The following ASPH variants were observed in gnomAD, a reference collection of about 807,000 sequenced individuals.
The protein encoded by ASPH is aspartate beta-hydroxylase.
ASPH carries 100 observed loss-of-function variants against 118.4 expected under a neutral mutation model. The ratio of observed to expected loss-of-function variants is 0.84; its 90% CI spans 0.72 to 1.00. The LOEUF (loss-of-function observed/expected upper bound fraction) is 1.00. Among genes scored for constraint, ASPH ranks in the 50% least tolerant of loss-of-function variants. The pLI is 0.00. For synonymous variants in ASPH, 315 were observed against 325.6 expected (o/e 0.97, Z 0.35); for missense variants, 920 against 919.5 (o/e 1.00, Z -0.01).
At chr8:61,667,669 A>C (rs1246913088) in intron 3 of ASPH, among the ~76,000 whole-genome samples, 1 of 152,178 alleles carries the variant, frequency 6.6e-6, no homozygotes, top group Non-Finnish European at 1.5e-5. Flanking sequence ...CCGGACAATA[A>C]TTTTTAATGA....
intron 21 of ASPH, among the ~76,000 whole-genome samples, chr8:61,528,171 G>A (rs1816197841): frequency 6.6e-6 from 1 of 152,124 alleles, no homozygotes; most frequent in African/African-American, 2.4e-5. Flanking sequence ...TTCATCCCAA[G>A]TGGGCAGTTC....
chr8:61,579,264 G>A (rs1336679799), intron 15 of ASPH: 1 of 1,613,998 alleles, frequency 6.2e-7, no homozygotes, highest in Non-Finnish European at 8.5e-7. Context: ...CATTAAGGAT[G>A]CCAACGCCAA....
intron 14 of ASPH, among the ~76,000 whole-genome samples, chr8:61,594,547 C>T (rs762922487): frequency 5.3e-5 from 8 of 152,186 alleles, no homozygotes; most frequent in African/African-American, 7.2e-5. Context: ...CTTTTATCCA[C>T]GGTTTTGCTT....
intron 16 of ASPH, among the ~76,000 whole-genome samples, chr8:61,569,600 T>A (rs1437062367): frequency 6.6e-6 from 1 of 151,552 alleles, no homozygotes; most frequent in East Asian, 1.9e-4. Context: ...AAATAAGACA[T>A]CAATGAAATA....
At chr8:61,525,719 CA>C (rs1186645224) in intron 22 of ASPH, among the ~76,000 whole-genome samples, 3 of 152,088 alleles carry the variant, frequency 2.0e-5, no homozygotes, top group Non-Finnish European at 4.4e-5. Flanking sequence ...CCAGAAAAAT[CA>C]GAACACTATT....
intron 21 of ASPH, among the ~76,000 whole-genome samples, chr8:61,534,750 G>C: frequency 6.6e-6 from 1 of 152,200 alleles, no homozygotes; most frequent in Non-Finnish European, 1.5e-5. Flanking sequence ...GGACCATTCC[G>C]AGAAAAGTTT....
chr8:61,531,533 T>A (rs200406754), intron 21 of ASPH, among the ~76,000 whole-genome samples: 1 of 152,150 alleles, frequency 6.6e-6, no homozygotes, highest in East Asian at 1.9e-4. Context: ...TTTTATAATT[T>A]TTTTCTTGTT....
At chr8:61,523,391 C>G (rs190469274) in intron 22 of ASPH, among the ~76,000 whole-genome samples, 2 of 150,632 alleles carry the variant, frequency 1.3e-5, no homozygotes, top group African/African-American at 4.9e-5. Context: ...TCTCGGCTCA[C>G]TGCAATCTCT....
chr8:61,663,531 T>G (rs1817987169), intron 3 of ASPH: 2 of 985,290 alleles, frequency 2.0e-6, no homozygotes, highest in Admixed American at 6.1e-5. Flanking sequence ...GAAAAAGAAC[T>G]CTGATTCCAG....
intron 21 of ASPH, among the ~76,000 whole-genome samples, chr8:61,531,597 T>C (rs927710008): frequency 6.6e-6 from 1 of 151,996 alleles, no homozygotes. Context: ...AGAGATTGAA[T>C]ATATTCAAAG....
At chr8:61,640,233 C>T (rs1187406886) in intron 10 of ASPH, among the ~76,000 whole-genome samples, 1 of 152,104 alleles carries the variant, frequency 6.6e-6, no homozygotes, top group Admixed American at 6.6e-5. Flanking sequence ...ACGGAAAGAC[C>T]CAATTTGGAT....
At chr8:61,619,559 C>T (rs1850178650) in intron 13 of ASPH, among the ~76,000 whole-genome samples, 1 of 152,124 alleles carries the variant, frequency 6.6e-6, no homozygotes, top group South Asian at 2.1e-4. Context: ...CAGAGATGAA[C>T]CCAAGACCCC....
intron 5 of ASPH, among the ~76,000 whole-genome samples, chr8:61,648,625 T>G (rs957585174): frequency 6.6e-6 from 1 of 152,252 alleles, no homozygotes; most frequent in African/African-American, 2.4e-5. Flanking sequence ...GAAGTATTCC[T>G]GTTTTCTGTA....
rs114373194 is a variant in ASPH, at chr8:61,638,162, T to G, written c.833-159A>C. ...TGGGTCTTCTGCAGAGTATTTATATTAGAATATTAACTTTAATTTTGATAC... is the reference window on the plus strand; with the variant it reads ...TGGGTCTTCTGCAGAGTATTTATATGAGAATATTAACTTTAATTTTGATAC... On this transcript the variant is annotated intron_variant, in intron 11 of 24. Coordinates refer to ENST00000379454, the MANE Select transcript of ASPH (RefSeq NM_004318.4). The G allele has an allele frequency of 1.1e-3, 1,294 of 1,165,498 alleles. 10 individuals carry two copies. In the African/African-American group the frequency reaches 0.018, roughly 16 times the overall value. 72.2% of individuals were successfully genotyped at this position (1,165,498 alleles called of 1,614,324 possible). A position where few individuals can be genotyped will look rare whatever the true frequency, so the allele number is the denominator to read the frequency against.
At chr8:61,664,438 T>A (rs1440204071) in intron 3 of ASPH, 2 of 982,706 alleles carry the variant, frequency 2.0e-6, no homozygotes, top group African/African-American at 3.5e-5. Context: ...GTTCTGAAAC[T>A]GTTCTTCTAA....
intron 10 of ASPH, among the ~76,000 whole-genome samples, chr8:61,641,719 A>G (rs1805211753): frequency 6.6e-6 from 1 of 152,160 alleles, no homozygotes; most frequent in Non-Finnish European, 1.5e-5. Flanking sequence ...GTGATTCACT[A>G]TCTATCATGA....
At position 61,577,409 on chromosome 8, in the gene ASPH, A is replaced by C. The variant is rs191110230; in HGVS notation, c.1063-551T>G. Among the ~76,000 whole-genome samples the C allele has an allele frequency of 8.5e-3, 1,252 of 147,592 alleles. 29 individuals are homozygous for C. Among genetic ancestry groups the C allele is most frequent in the African/African-American group, 0.029 (1,181 of 40,078 alleles). The stretch of plus-strand genomic sequence containing the variant: ...GGATGCCCAATCTCGCAAAAAAAAA[A>C]AAAAAAAAAAAAAAGACAAGACACC... On this transcript the variant is annotated intron_variant, in intron 15 of 24. Transcript: ENST00000379454.
At chr8:61,567,130 T>C (rs1054861173) in intron 17 of ASPH, 38 bp downstream of exon 17, 3 of 1,604,098 alleles carry the variant, frequency 1.9e-6, no homozygotes, top group East Asian at 2.2e-5. Flanking sequence ...ATAAAACATA[T>C]GCCATTTCCT....
At position 61,548,025 on chromosome 8, in the gene ASPH, G is replaced by A. The variant is rs1824547242; in HGVS notation, c.1764+46C>T. ...ATAAACATTTTCTGATTTTGAGGAG[G>A]AAATAGACAAAGATCTGGTGAGGAT... On this transcript the variant is annotated intron_variant, in intron 21 of 24. Transcript: ENST00000379454. 6 of 1,518,850 alleles carry A rather than the reference G, an allele frequency of 4.0e-6. No homozygotes were observed. The Admixed American group carries it at 9.8e-5, about 25-fold the overall frequency. 94.1% of individuals were successfully genotyped at this position (1,518,850 alleles called of 1,614,324 possible). A position where few individuals can be genotyped will look rare whatever the true frequency, so the allele number is the denominator to read the frequency against.
Sources: gnomAD v4.1 joint callset for allele counts (sites outside exome capture counted in the v4.1 genomes callset) on GRCh38, gnomAD v4.1.1 for gene constraint, MANE v1.5 for transcripts, NCBI Gene and HGNC (gene_info 2026-07-23, HGNC 2026-07-21) for gene names.